ERBB4: variants seen among roughly 807,000 people sequenced by gnomAD.
The protein encoded by ERBB4 is erb-b2 receptor tyrosine kinase 4, also known as receptor tyrosine-protein kinase erbB-4.
Under a neutral mutation model 158.0 loss-of-function variants are expected in ERBB4, and 42 were observed. The observed-to-expected ratio is 0.27, with a 90% CI of 0.21 to 0.34. The LOEUF is 0.34. Ranked by LOEUF, ERBB4 falls within the 10% of genes least tolerant of loss-of-function variation. ERBB4 has a pLI of 1.00. For missense variants in ERBB4, 1,333 were observed against 1,624.1 expected, an observed-to-expected ratio of 0.82 and a Z score of 3.08; for synonymous variants, 583 against 558.7, an observed-to-expected ratio of 1.04 and a Z score of -0.61.
chr2:212,480,751 G>T (rs908377733), intron 1 of ERBB4, among the ~76,000 whole-genome samples: 1 of 152,150 alleles, frequency 6.6e-6, no homozygotes, highest in South Asian at 2.1e-4. Context: ...TTATGTTGTT[G>T]GTAGTTTCAT....
At chr2:212,314,395 G>A (rs1223998519) in intron 1 of ERBB4, among the ~76,000 whole-genome samples, 1 of 149,360 alleles carries the variant, frequency 6.7e-6, no homozygotes, top group Non-Finnish European at 1.5e-5. Flanking sequence ...CAAAGTGGAT[G>A]GCAAGAAGTT....
At chr2:212,071,667 A>G (rs920036246) in intron 2 of ERBB4, among the ~76,000 whole-genome samples, 14 of 151,998 alleles carry the variant, frequency 9.2e-5, no homozygotes, top group African/African-American at 3.4e-4. Flanking sequence ...CAGATGTACA[A>G]AGTATCTCAT....
intron 1 of ERBB4, among the ~76,000 whole-genome samples, chr2:212,385,048 T>C (rs1056537601): frequency 4.0e-4 from 61 of 151,548 alleles, no homozygotes; most frequent in Middle Eastern, 3.4e-3. Context: ...GCAATCTTCA[T>C]GTTTATGACA....
At chr2:212,125,335 A>G (rs1559545445) in intron 1 of ERBB4, among the ~76,000 whole-genome samples, 1 of 152,248 alleles carries the variant, frequency 6.6e-6, no homozygotes. Flanking sequence ...CATAGTTATT[A>G]TATCAGCTGT....
At chr2:211,525,322 A>T (rs2066317054) in intron 20 of ERBB4, among the ~76,000 whole-genome samples, 1 of 152,088 alleles carries the variant, frequency 6.6e-6, no homozygotes, top group South Asian at 2.1e-4. Context: ...ATGTAAGAGG[A>T]TTTCTGTCTT....
At chr2:212,191,960 A>ATATATGTTATATGTTATATATGT in intron 1 of ERBB4, among the ~76,000 whole-genome samples, 1 of 126,032 alleles carries the variant, frequency 7.9e-6, no homozygotes, top group South Asian at 2.3e-4. Flanking sequence ...TATATATGTT[A>ATATATGTTATATGTTATATATGT]TATATGTTAT....
chr2:212,289,822 G>A (rs1395075270), intron 1 of ERBB4, among the ~76,000 whole-genome samples: 1 of 152,074 alleles, frequency 6.6e-6, no homozygotes, highest in East Asian at 1.9e-4. Context: ...AAACTTAATT[G>A]CACAGAGTAT....
intron 3 of ERBB4, among the ~76,000 whole-genome samples, chr2:211,924,923 T>A (rs1237702223): frequency 6.6e-6 from 1 of 152,148 alleles, no homozygotes; most frequent in Non-Finnish European, 1.5e-5. Context: ...TTTCAAATCT[T>A]TGTATGGATA....
chr2:212,112,481 C>T (rs1269849075), intron 2 of ERBB4, among the ~76,000 whole-genome samples: 1 of 151,828 alleles, frequency 6.6e-6, no homozygotes, highest in Admixed American at 6.6e-5. Flanking sequence ...CTTCCTTGTA[C>T]TGATTTTTCT....
rs397514262 is a variant in ERBB4 at position 211,424,241 on chromosome 2, C to T, written c.2780G>A (p.Arg927Gln). The T allele has an allele frequency of 2.2e-5, 35 of 1,612,914 alleles. No individual in the cohort carries two copies. The highest frequency in any genetic ancestry group is 2.7e-5 in the African/African-American group (2 of 74,806). ...GGKPYDGIPTREIPDLLEKGE... is the reference protein window; with the variant it reads ...GGKPYDGIPTQEIPDLLEKGE... Reference sequence around the variant, plus strand: ...TTTCTCTAATAAATCAGGGATTTCTCGCGTTGGAATTCCATCATAGGGTTT... The same window carrying T: ...TTTCTCTAATAAATCAGGGATTTCTTGCGTTGGAATTCCATCATAGGGTTT... Residue 927 changes from arginine to glutamine, a missense_variant, in exon 23 of 28, where the codon CGA becomes CAA. Around this residue, in one of 5 missense-constraint regions of ERBB4, gnomAD observed 314 missense variants for 437.6 expected, o/e 0.72. Transcript: ENST00000342788.
intron 2 of ERBB4, among the ~76,000 whole-genome samples, chr2:212,090,669 T>C (rs1054411178): frequency 4.6e-5 from 7 of 152,298 alleles, no homozygotes; most frequent in African/African-American, 1.7e-4. Flanking sequence ...AAAACACTGA[T>C]GCACAGGCCA....
intron 2 of ERBB4, among the ~76,000 whole-genome samples, chr2:212,013,666 T>C (rs953781323): frequency 3.7e-4 from 57 of 152,176 alleles, no homozygotes; most frequent in African/African-American, 1.3e-3. Flanking sequence ...GAGTGATTCA[T>C]CTATAAACTA....
chr2:211,381,672 G>A lies in ERBB4; in HGVS notation c.*1943C>T, dbSNP rs913102305. ...ACAGTTAGATAAAGGAGGTTTGGAT[G>A]GATGGATGGATGGATTTACTTGTTC... On this transcript the variant is annotated 3_prime_UTR_variant, in exon 28 of 28. Coordinates refer to ENST00000342788, the MANE Select transcript of ERBB4 (RefSeq NM_005235.3). The A allele has an allele frequency of 2.2e-5, 5 of 231,660 alleles. No homozygotes were observed. The highest frequency in any genetic ancestry group is 3.4e-5 in the Non-Finnish European group (4 of 117,200). The allele number at this position is 231,660 out of a possible 1,614,324, so 14.4% of individuals were successfully genotyped here.
At chr2:211,663,627 C>G (rs1301127252) in intron 15 of ERBB4, among the ~76,000 whole-genome samples, 3 of 152,036 alleles carry the variant, frequency 2.0e-5, no homozygotes, top group African/African-American at 7.2e-5. Context: ...TTTAAAAGGG[C>G]AGAGAGGAAG....
At chr2:211,836,579 T>G (rs1422700793) in intron 3 of ERBB4, among the ~76,000 whole-genome samples, 1 of 152,052 alleles carries the variant, frequency 6.6e-6, no homozygotes, top group Non-Finnish European at 1.5e-5. Flanking sequence ...GTGTTCAGCA[T>G]AAACCACATT....
At chr2:211,702,489 G>A (rs1358134505) in intron 11 of ERBB4, among the ~76,000 whole-genome samples, 4 of 152,000 alleles carry the variant, frequency 2.6e-5, no homozygotes, top group African/African-American at 9.7e-5. Flanking sequence ...ATGAAATCCT[G>A]TATTAACACT....
Position 212,043,286 on chromosome 2 carries a change from A to G in ERBB4, c.234+81466T>C, listed in dbSNP as rs73069206. Among the ~76,000 whole-genome samples, 1,332 of 152,294 alleles carry G rather than the reference A, an allele frequency of 8.7e-3. 12 individuals carry two copies. Among genetic ancestry groups the G allele is most frequent in the African/African-American group, 0.03 (1,250 of 41,564 alleles). On this transcript the variant is annotated intron_variant, in intron 2 of 27. Transcript: ENST00000342788. ...AGACTCAACTCTCATGCTTTTACAT[A>G]GGTACGCTGTTTATTTTGCCTCAGG... is the stretch of plus-strand genomic sequence containing the variant.
Position 211,937,533 on chromosome 2 carries a change from A to G in ERBB4, c.421+9897T>C, listed in dbSNP as rs57682664. On this transcript the variant is annotated intron_variant, in intron 3 of 27. Coordinates refer to ENST00000342788, the MANE Select transcript of ERBB4 (RefSeq NM_005235.3). ...GATACCACCCAAGATTGGGTAATTT[A>G]TAAAGATAAGAGATTTAATTGACTC... Among the ~76,000 whole-genome samples, 1,468 of 152,254 alleles carry G rather than the reference A, an allele frequency of 9.6e-3. 24 individuals are homozygous for G. Among genetic ancestry groups the G allele is most frequent in the African/African-American group, 0.034 (1,395 of 41,524 alleles).
intron 1 of ERBB4, among the ~76,000 whole-genome samples, chr2:212,445,209 A>G (rs1242190534): frequency 6.6e-6 from 1 of 152,038 alleles, no homozygotes; most frequent in East Asian, 1.9e-4. Context: ...GGCTGGGGCA[A>G]TGTTCTCCAG....
Sources: allele counts gnomAD v4.1 joint callset (sites outside exome capture counted in the v4.1 genomes callset), GRCh38; gene constraint gnomAD v4.1.1; regional missense constraint gnomAD v4.1.1; transcripts MANE v1.5; gene names NCBI Gene and HGNC (gene_info 2026-07-23, HGNC 2026-07-21).